The following GLCE variants were observed in gnomAD, a reference collection of about 807,000 sequenced individuals.
GLCE encodes glucuronic acid epimerase, also known as D-glucuronyl C5-epimerase.
Under a neutral mutation model 47.9 loss-of-function variants are expected in GLCE, and 19 were observed. That is an observed-to-expected ratio of 0.40 (90% CI 0.28 to 0.58). GLCE has a LOEUF of 0.58. Among genes scored for constraint, GLCE ranks in the 20% least tolerant of loss-of-function variants. The pLI is 0.48. For synonymous variants in GLCE, 245 were observed against 263.4 expected (o/e 0.93, Z 0.68); for missense variants, 556 against 743.3 (o/e 0.75, Z 2.93).
In GLCE at chr15:69,161,780, G is replaced by A. The variant is rs1372182741; in HGVS notation, c.-105+1023G>A. Among the ~76,000 whole-genome samples, 3 of 152,318 alleles carry A rather than the reference G, an allele frequency of 2.0e-5. No homozygotes were observed. In the East Asian group the frequency reaches 5.8e-4, roughly 29 times the overall value. On this transcript the variant is annotated intron_variant, in intron 1 of 4. Transcript: ENST00000261858. ...CCTGTGGGGGCGCGCTGGTCTCGCTGGAGCTCCGGGAGCTAGAGTGGCAGC... is the reference window on the plus strand; with the variant it reads ...CCTGTGGGGGCGCGCTGGTCTCGCTAGAGCTCCGGGAGCTAGAGTGGCAGC...
Position 69,269,130 on chromosome 15 carries a change from C to T in GLCE, c.1740C>T (p.Thr580=). Residue 580 remains threonine (T), a synonymous_variant, in exon 5 of 5, where the codon ACC becomes ACT. Coordinates refer to ENST00000261858, the MANE Select transcript of GLCE (RefSeq NM_015554.3). ...ACCTGGCTCGCTGGGACTATCATAC[C>T]ACCCACATCAATCAGTTGCAGCTAC... ...APNLARWDYH[T]THINQLQLLS... is the part of the protein sequence containing the mutation. 6.2e-7 allele frequency: 1 copy of T among 1,613,932 alleles called. No individual in the cohort carries two copies. Among genetic ancestry groups the T allele is most frequent in the Non-Finnish European group, 8.5e-7 (1 of 1,179,844 alleles).
intron 2 of GLCE, among the ~76,000 whole-genome samples, chr15:69,219,925 G>A (rs921079346): frequency 1.3e-5 from 2 of 152,002 alleles, no homozygotes; most frequent in African/African-American, 4.8e-5. Flanking sequence ...TCTACTGTGT[G>A]TCTTTATGAT....
intron 1 of GLCE, among the ~76,000 whole-genome samples, chr15:69,199,177 A>C (rs2052040786): frequency 6.6e-6 from 1 of 152,172 alleles, no homozygotes; most frequent in Non-Finnish European, 1.5e-5. Context: ...CTTTTATGAA[A>C]TAATGTTAAT....
At chr15:69,229,350 C>T (rs2052489404) in intron 2 of GLCE, among the ~76,000 whole-genome samples, 4 of 152,130 alleles carry the variant, frequency 2.6e-5, no homozygotes, top group African/African-American at 9.7e-5. Context: ...GAAGTGAGCC[C>T]ACAATGTTTC....
intron 1 of GLCE, among the ~76,000 whole-genome samples, chr15:69,162,868 G>C (rs1319628886): frequency 6.6e-6 from 1 of 152,168 alleles, no homozygotes; most frequent in Non-Finnish European, 1.5e-5. Flanking sequence ...TTAGAGGCGT[G>C]AGTCACCATG....
At chr15:69,245,781 T>C (rs2052737764) in intron 2 of GLCE, among the ~76,000 whole-genome samples, 1 of 152,138 alleles carries the variant, frequency 6.6e-6, no homozygotes, top group Admixed American at 6.5e-5. Context: ...TAGGCTGGAG[T>C]GCAGGGGCAC....
At chr15:69,210,881 A>C (rs1336119407) in intron 2 of GLCE, among the ~76,000 whole-genome samples, 1 of 152,130 alleles carries the variant, frequency 6.6e-6, no homozygotes, top group Non-Finnish European at 1.5e-5. Context: ...TAGTTGGAAC[A>C]GTGTCTGTAT....
chr15:69,226,311 G>T (rs1174036255), intron 2 of GLCE, among the ~76,000 whole-genome samples: 1 of 152,104 alleles, frequency 6.6e-6, no homozygotes, highest in African/African-American at 2.4e-5. Context: ...GAAGTGTTAG[G>T]TTAGATAGAA....
At chr15:69,226,456 ATAT>A (rs2052448745) in intron 2 of GLCE, among the ~76,000 whole-genome samples, 1 of 152,184 alleles carries the variant, frequency 6.6e-6, no homozygotes, top group Non-Finnish European at 1.5e-5. Context: ...AATCTGAGAA[ATAT>A]TATAGTCAAT....
intron 2 of GLCE, among the ~76,000 whole-genome samples, chr15:69,224,159 T>G (rs568073096): frequency 6.6e-6 from 1 of 152,352 alleles, no homozygotes; most frequent in Non-Finnish European, 1.5e-5. Flanking sequence ...ACTAGACATT[T>G]AAATCTATTA....
intron 1 of GLCE, among the ~76,000 whole-genome samples, chr15:69,197,725 A>G (rs967271226): frequency 6.6e-6 from 1 of 152,180 alleles, no homozygotes; most frequent in Non-Finnish European, 1.5e-5. Context: ...GTTGATATGG[A>G]TTCAGGAGAA....
intron 1 of GLCE, among the ~76,000 whole-genome samples, chr15:69,172,620 C>T (rs1335058260): frequency 2.0e-5 from 3 of 152,034 alleles, no homozygotes; most frequent in Non-Finnish European, 4.4e-5. Flanking sequence ...TCTTTTTAGA[C>T]TAGATAGAAA....
Position 69,269,582 on chromosome 15 carries a change from T to C in GLCE, c.*338T>C. The C allele has an allele frequency of 4.5e-6, 1 of 221,556 alleles. No homozygotes were observed. Among genetic ancestry groups the C allele is most frequent in the Non-Finnish European group, 8.9e-6 (1 of 112,574 alleles). 13.7% of individuals were successfully genotyped at this position (221,556 alleles called of 1,614,324 possible). A position where few individuals can be genotyped will look rare whatever the true frequency, so the allele number is the denominator to read the frequency against. ...AAGTAGTTGCTACTGGCCAACTGTC[T>C]AGCACTTACCTGAAAACTTAGTATG... On this transcript the variant is annotated 3_prime_UTR_variant, in exon 5 of 5. Coordinates refer to ENST00000261858, the MANE Select transcript of GLCE (RefSeq NM_015554.3).
intron 1 of GLCE, among the ~76,000 whole-genome samples, chr15:69,174,925 A>G (rs1335536307): frequency 1.3e-5 from 2 of 152,136 alleles, no homozygotes; most frequent in Admixed American, 6.5e-5. Flanking sequence ...TTGGTAATCT[A>G]TTAGTACTAT....
At chr15:69,258,238 A>G (rs2052958419) in intron 3 of GLCE, among the ~76,000 whole-genome samples, 1 of 151,294 alleles carries the variant, frequency 6.6e-6, no homozygotes, top group Admixed American at 6.6e-5. Context: ...AGAAGTGAGA[A>G]CATGCAGTAT....
intron 1 of GLCE, among the ~76,000 whole-genome samples, chr15:69,177,371 GTTCT>G (rs1228042753): frequency 6.6e-6 from 1 of 152,020 alleles, no homozygotes; most frequent in Non-Finnish European, 1.5e-5. Flanking sequence ...CCTTGCTTGT[GTTCT>G]TTATGATGAA....
At chr15:69,219,665 C>A (rs1041362916) in intron 2 of GLCE, among the ~76,000 whole-genome samples, 4 of 152,016 alleles carry the variant, frequency 2.6e-5, no homozygotes, top group Non-Finnish European at 4.4e-5. Context: ...GGTTGGATTA[C>A]GGTTTTTAAG....
At chr15:69,252,569 A>G (rs765041841) in intron 2 of GLCE, among the ~76,000 whole-genome samples, 1 of 152,238 alleles carries the variant, frequency 6.6e-6, no homozygotes, top group Non-Finnish European at 1.5e-5. Flanking sequence ...ACATTTCAAC[A>G]TGAGATTTGG....
chr15:69,197,144 C>G (rs527317078), intron 1 of GLCE: 5 of 382,702 alleles, frequency 1.3e-5, no homozygotes, highest in South Asian at 6.3e-5. Flanking sequence ...CCCAGTCCTT[C>G]GGCACAACAA....
Sources: allele counts gnomAD v4.1 joint callset (sites outside exome capture counted in the v4.1 genomes callset), GRCh38; gene constraint gnomAD v4.1.1; transcripts MANE v1.5; gene names NCBI Gene and HGNC (gene_info 2026-07-23, HGNC 2026-07-21).